CTNNA2: variants seen among roughly 807,000 people sequenced by gnomAD.
CTNNA2 encodes the protein catenin alpha 2, also known as catenin alpha-2.
Under a neutral mutation model 101.0 loss-of-function variants are expected in CTNNA2, and 42 were observed. The observed-to-expected ratio is 0.42, with a 90% CI of 0.32 to 0.54. The LOEUF is 0.54. CTNNA2 is among the 20% of genes least tolerant of loss of function. CTNNA2 has a pLI of 0.14. For synonymous variants in CTNNA2, 450 were observed against 456.4 expected, an observed-to-expected ratio of 0.99 and a Z score of 0.18; for missense variants, 871 against 1,223.1, an observed-to-expected ratio of 0.71 and a Z score of 4.29.
intron 4 of CTNNA2, among the ~76,000 whole-genome samples, chr2:79,495,703 C>T (rs781232946): frequency 2.6e-5 from 4 of 152,012 alleles, no homozygotes; most frequent in Non-Finnish European, 4.4e-5. Context: ...GTGGAAATAA[C>T]ATATCTATTA....
At chr2:79,925,422 T>C (rs551513609) in intron 7 of CTNNA2, among the ~76,000 whole-genome samples, 4 of 152,220 alleles carry the variant, frequency 2.6e-5, no homozygotes, top group African/African-American at 7.2e-5. Context: ...AGGACAACCA[T>C]TAGGGAAGTT....
At chr2:80,641,391 A>G (rs1273545338) in intron 18 of CTNNA2, among the ~76,000 whole-genome samples, 1 of 152,174 alleles carries the variant, frequency 6.6e-6, no homozygotes, top group African/African-American at 2.4e-5. Context: ...GAAAAAAGAC[A>G]TACAATGTGA....
At chr2:79,674,593 GT>G (rs1683064110) in intron 2 of CTNNA2, among the ~76,000 whole-genome samples, 1 of 152,108 alleles carries the variant, frequency 6.6e-6, no homozygotes, top group Admixed American at 6.5e-5. Flanking sequence ...ACTTAAAAAA[GT>G]TATCTAGTGA....
At chr2:79,809,151 G>A (rs1009664739) in intron 3 of CTNNA2, among the ~76,000 whole-genome samples, 1 of 152,158 alleles carries the variant, frequency 6.6e-6, no homozygotes, top group Admixed American at 6.5e-5. Flanking sequence ...GGTATTCCAT[G>A]GTGGATATGT....
chr2:79,644,406 C>T (rs946780774), intron 1 of CTNNA2, among the ~76,000 whole-genome samples: 1 of 152,082 alleles, frequency 6.6e-6, no homozygotes, highest in African/African-American at 2.4e-5. Context: ...GATAATTTCC[C>T]TTTTTTAAAG....
At chr2:80,261,164 G>GCC in intron 7 of CTNNA2, among the ~76,000 whole-genome samples, 1 of 152,258 alleles carries the variant, frequency 6.6e-6, no homozygotes, top group Middle Eastern at 3.4e-3. Flanking sequence ...CATAAATATG[G>GCC]CTCTCCTCAG....
intron 2 of CTNNA2, among the ~76,000 whole-genome samples, chr2:79,259,984 G>A (rs923935038): frequency 2.0e-5 from 3 of 152,192 alleles, no homozygotes; most frequent in Non-Finnish European, 4.4e-5. Context: ...GATAGGAGCA[G>A]ATGCTACCTA....
chr2:79,399,331 A>G (rs1035259873), intron 4 of CTNNA2, among the ~76,000 whole-genome samples: 1 of 152,110 alleles, frequency 6.6e-6, no homozygotes, highest in South Asian at 2.1e-4. Flanking sequence ...CTCATGGCCT[A>G]TATCAGGTAA....
intron 3 of CTNNA2, among the ~76,000 whole-genome samples, chr2:79,327,464 T>G (rs1042447034): frequency 4.6e-5 from 7 of 152,198 alleles, no homozygotes; most frequent in Non-Finnish European, 1.0e-4. Context: ...TTCATTCTCC[T>G]GTTCACCTGT....
At chr2:79,737,289 C>T (rs114982443) in intron 2 of CTNNA2, among the ~76,000 whole-genome samples, 171 of 150,230 alleles carry the variant, frequency 1.1e-3, no homozygotes, top group African/African-American at 3.8e-3. Flanking sequence ...ATAGAGGTTG[C>T]GGTGCGCCAA....
intron 7 of CTNNA2, among the ~76,000 whole-genome samples, chr2:80,257,487 G>C (rs1321169939): frequency 6.6e-6 from 1 of 152,144 alleles, no homozygotes; most frequent in Non-Finnish European, 1.5e-5. Context: ...GTTAATGATT[G>C]TCTCTGCTGT....
intron 3 of CTNNA2, among the ~76,000 whole-genome samples, chr2:79,371,995 C>T (rs971035459): frequency 2.0e-5 from 3 of 152,132 alleles, no homozygotes; most frequent in African/African-American, 7.2e-5. Flanking sequence ...GAGTTGATGG[C>T]TTCTGAAAAC....
chr2:79,554,773 G>T (rs537811137), intron 1 of CTNNA2, among the ~76,000 whole-genome samples: 1 of 152,130 alleles, frequency 6.6e-6, no homozygotes, highest in Non-Finnish European at 1.5e-5. Context: ...GGAGGTTATT[G>T]TCATTATTTC....
intron 7 of CTNNA2, among the ~76,000 whole-genome samples, chr2:80,339,174 CGTGT>C (rs112205278): frequency 6.6e-6 from 1 of 151,816 alleles, no homozygotes; most frequent in Admixed American, 6.6e-5. Context: ...AATAATATAA[CGTGT>C]GTGTGTGTGC....
intron 9 of CTNNA2, among the ~76,000 whole-genome samples, chr2:80,509,598 G>A (rs1244630829): frequency 6.6e-6 from 1 of 152,068 alleles, no homozygotes; most frequent in Non-Finnish European, 1.5e-5. Flanking sequence ...AAACCTTGGG[G>A]TCCGTGGGTA....
intron 7 of CTNNA2, among the ~76,000 whole-genome samples, chr2:79,961,729 A>G (rs949083315): frequency 1.3e-5 from 2 of 151,572 alleles, no homozygotes; most frequent in African/African-American, 2.4e-5. Flanking sequence ...GGCTGAGGCA[A>G]GAGAATGGCG....
chr2:79,668,581 TCTA>T (rs1682610276), intron 2 of CTNNA2, among the ~76,000 whole-genome samples: 1 of 152,216 alleles, frequency 6.6e-6, no homozygotes, highest in African/African-American at 2.4e-5. Context: ...AAGATAGTAT[TCTA>T]CTTACTTTTC....
intron 12 of CTNNA2, 86 bp from the exon 13 acceptor site, chr2:80,574,077 G>C: frequency 7.0e-7 from 1 of 1,429,680 alleles, no homozygotes; most frequent in South Asian, 1.3e-5. Flanking sequence ...TAGAATGCCC[G>C]AGGACCTGCC....
intron 9 of CTNNA2, among the ~76,000 whole-genome samples, chr2:80,536,851 T>C (rs1006154278): frequency 3.3e-5 from 5 of 150,830 alleles, no homozygotes; most frequent in African/African-American, 1.2e-4. Context: ...TTTATCAAGA[T>C]CTGTGAGCTG....
Sources: allele counts gnomAD v4.1 joint callset (sites outside exome capture counted in the v4.1 genomes callset), GRCh38; gene constraint gnomAD v4.1.1; transcripts MANE v1.5; gene names NCBI Gene and HGNC (gene_info 2026-07-23, HGNC 2026-07-21).